Variants in TTC7A observed in about 807,000 individuals in gnomAD.
TTC7A encodes the protein tetratricopeptide repeat domain 7A.
Under a neutral mutation model 103.7 loss-of-function variants are expected in TTC7A, and 110 were observed. The observed-to-expected ratio is 1.06, with a 90% confidence interval of 0.91 to 1.24. The LOEUF is 1.24. TTC7A is among the 50% of genes most tolerant of loss of function. The probability of loss-of-function intolerance (pLI) is 0.00; values close to 1 mark genes in which losing one functional copy is unlikely to be tolerated. For synonymous variants in TTC7A, 521 were observed against 467.9 expected (o/e 1.11, Z -1.47); for missense variants, 1,340 against 1,116.3 (o/e 1.20, Z -2.86).
chr2:46,995,099 G>C (rs1369231933), intron 7 of TTC7A, 37 bp from the exon 8 acceptor site: 1 of 1,609,726 alleles, frequency 6.2e-7, no homozygotes, highest in Non-Finnish European at 8.5e-7. Flanking sequence ...CTGGTGAGGT[G>C]TGTGCTCTAG....
chr2:46,916,493 G>A (rs1668796081), exon 1 of TTC7A: 1 of 152,410 alleles, frequency 6.6e-6, no homozygotes, highest in Non-Finnish European at 1.5e-5. Context: ...AACAAATAGG[G>A]AAACGAATAC....
chr2:46,995,234 C>T (rs772242847), intron 8 of TTC7A, 35 bp downstream of exon 8: 4 of 1,609,748 alleles, frequency 2.5e-6, no homozygotes, highest in African/African-American at 1.3e-5. Flanking sequence ...GGCCTCTGGC[C>T]CTCTGACCCT....
At chr2:46,949,448 G>A (rs1671217448) in intron 1 of TTC7A, among the ~76,000 whole-genome samples, 1 of 152,084 alleles carries the variant, frequency 6.6e-6, no homozygotes, top group Non-Finnish European at 1.5e-5. Flanking sequence ...GGCCAGGCTG[G>A]TCTCAAACTC....
chr2:47,034,932 CA>C (rs1680946324), intron 15 of TTC7A, among the ~76,000 whole-genome samples: 2 of 152,238 alleles, frequency 1.3e-5, no homozygotes, highest in Non-Finnish European at 2.9e-5. Flanking sequence ...TGGAACCACA[CA>C]GCCTTCTGCC....
rs72888558 is a variant in TTC7A, at chr2:46,993,202, C to T, written c.765-248C>T. Among the ~76,000 whole-genome samples the T allele has an allele frequency of 0.098, 14,936 of 152,250 alleles. 844 individuals carry two copies. Among genetic ancestry groups the T allele is most frequent in the Admixed American group, 0.13 (2,064 of 15,296 alleles). On this transcript the variant is annotated intron_variant, in intron 5 of 19. Coordinates refer to ENST00000319190, the MANE Select transcript of TTC7A (RefSeq NM_020458.4). ...TCTTGGTACCCCTTTGGTGGTAAAC[C>T]GGAAGCCCAAGTTGCTGGGGGGAAA...
At chr2:47,058,329 G>A (rs1390749084) in intron 18 of TTC7A, among the ~76,000 whole-genome samples, 1 of 147,364 alleles carries the variant, frequency 6.8e-6, no homozygotes. Context: ...AGAAAGCGTT[G>A]TATTTTAGGA....
chr2:46,955,431 C>T (rs559839602), intron 2 of TTC7A, among the ~76,000 whole-genome samples: 3 of 152,284 alleles, frequency 2.0e-5, no homozygotes, highest in East Asian at 1.9e-4. Flanking sequence ...GCAGGTCAGG[C>T]GTGCAGAGGC....
chr2:46,927,960 C>CATGGCTCACTGCAGCCTCA, intron 2 of TTC7A, among the ~76,000 whole-genome samples: 1 of 130,262 alleles, frequency 7.7e-6, no homozygotes, highest in Non-Finnish European at 1.5e-5. Context: ...GTGGCACGGT[C>CATGGCTCACTGCAGCCTCA]ATGGCTCACT....
At chr2:46,933,643 T>TA (rs1349796305) in intron 2 of TTC7A, among the ~76,000 whole-genome samples, 1 of 152,086 alleles carries the variant, frequency 6.6e-6, no homozygotes, top group Non-Finnish European at 1.5e-5. Flanking sequence ...TGGTAATGAG[T>TA]AAAAGTTGAT....
Position 46,941,534 on chromosome 2 carries a change from G to T in TTC7A, c.-8G>T, listed in dbSNP as rs1360256261. The T allele has an allele frequency of 1.4e-5, 22 of 1,551,748 alleles. No individual in the cohort carries two copies. The highest frequency in any genetic ancestry group is 1.8e-5 in the Non-Finnish European group (21 of 1,147,960). On this transcript the variant is annotated 5_prime_UTR_variant, in exon 1 of 20. Coordinates refer to ENST00000319190, the MANE Select transcript of TTC7A (RefSeq NM_020458.4). The surrounding 1 kb of genome is among the most constrained non-coding windows in gnomAD (Gnocchi z 4.2). ...GGCCGCACCTTCCATGACAGCGCCC[G>T]CGAGAAGATGGCTGCGAAGGGCGCG... is the stretch of plus-strand genomic sequence containing the variant.
chr2:47,005,744 T>C (rs1677304210), intron 8 of TTC7A, among the ~76,000 whole-genome samples, 178 bp from the exon 9 acceptor site: 1 of 152,106 alleles, frequency 6.6e-6, no homozygotes, highest in South Asian at 2.1e-4. Context: ...TTTTCTCTCT[T>C]GGAGAGGGCC....
intron 3 of TTC7A, chr2:46,958,362 G>T: frequency 1.7e-6 from 1 of 602,504 alleles, no homozygotes. Flanking sequence ...GGGTCTTTCG[G>T]GTCTCTTAGA....
intron 15 of TTC7A, chr2:47,034,275 G>T (rs1264480004): frequency 6.6e-6 from 1 of 152,210 alleles, no homozygotes; most frequent in Admixed American, 6.5e-5. Flanking sequence ...CAGGCCTGCA[G>T]GGGGCCTCAG....
chr2:47,029,456 G>C, intron 15 of TTC7A, 72 bp downstream of exon 15: 2 of 1,531,512 alleles, frequency 1.3e-6, no homozygotes, highest in Non-Finnish European at 1.8e-6. Context: ...ATGCACACCT[G>C]CCCTGCCATG....
At chr2:47,040,417 A>T (rs1681610451) in intron 15 of TTC7A, 2 of 152,296 alleles carry the variant, frequency 1.3e-5, no homozygotes. Flanking sequence ...GTTCGGCCTT[A>T]AAAGACCTCA....
At chr2:47,036,559 AG>A in intron 15 of TTC7A, among the ~76,000 whole-genome samples, 1 of 152,278 alleles carries the variant, frequency 6.6e-6, no homozygotes, top group South Asian at 2.1e-4. Flanking sequence ...AGGGAGGGTA[AG>A]GCCTGTTAGA....
At chr2:46,918,221 C>T (rs1668915645) in intron 2 of TTC7A, among the ~76,000 whole-genome samples, 1 of 152,204 alleles carries the variant, frequency 6.6e-6, no homozygotes, top group Admixed American at 6.5e-5. Flanking sequence ...TAGTAAATGT[C>T]ACTGGTACTC....
intron 3 of TTC7A, among the ~76,000 whole-genome samples, chr2:46,967,388 T>C (rs1672954851): frequency 1.3e-5 from 2 of 152,214 alleles, no homozygotes; most frequent in Admixed American, 1.3e-4. Context: ...CAAAATTCTA[T>C]GCCCGTGAAA....
chr2:47,010,288 T>C (rs1677901096), intron 10 of TTC7A, among the ~76,000 whole-genome samples: 1 of 152,214 alleles, frequency 6.6e-6, no homozygotes, highest in Non-Finnish European at 1.5e-5. Context: ...AACAGCCATA[T>C]ACAGTATGTA....
Sources: allele counts gnomAD v4.1 joint callset (sites outside exome capture counted in the v4.1 genomes callset), GRCh38; gene constraint gnomAD v4.1.1; non-coding constraint Gnocchi (gnomAD v3.1); transcripts MANE v1.5; gene names NCBI Gene and HGNC (gene_info 2026-07-23, HGNC 2026-07-21).